Variants in RORA observed in about 807,000 individuals in gnomAD.
RORA encodes the protein nuclear receptor ROR-alpha.
Under a neutral mutation model 69.5 loss-of-function variants are expected in RORA, and 7 were observed. The ratio of observed to expected loss-of-function variants is 0.10; its 90% CI spans 0.06 to 0.19. The LOEUF (loss-of-function observed/expected upper bound fraction) is 0.19. Ranked by LOEUF, RORA falls within the 10% of genes least tolerant of loss-of-function variation. RORA has a pLI of 1.00. For missense variants in RORA, 457 were observed against 663.0 expected, an observed-to-expected ratio of 0.69 and a Z score of 3.41; for synonymous variants, 261 against 240.8, an observed-to-expected ratio of 1.08 and a Z score of -0.78.
Position 60,658,269 on chromosome 15 carries a change from G to T in RORA, c.196+20388C>A, listed in dbSNP as rs571286022. 7.2e-5 allele frequency among the ~76,000 whole-genome samples: 11 copies of T among 152,078 alleles called. 1 individual carries two copies. In the South Asian group the frequency reaches 2.1e-3, roughly 29 times the overall value. On this transcript the variant is annotated intron_variant, in intron 2 of 10. Coordinates refer to ENST00000335670, the MANE Select transcript of RORA (RefSeq NM_134261.3). ...CTAGTTTCATCATGTTGGCCAGGCT[G>T]GTCTCAAACTCCTGACCTCAAGTGA...
intron 1 of RORA, among the ~76,000 whole-genome samples, chr15:61,150,725 C>A (rs1045250014): frequency 5.3e-5 from 8 of 152,100 alleles, no homozygotes; most frequent in Non-Finnish European, 1.2e-4. Flanking sequence ...GATTAATACT[C>A]CTCATCAAAA....
At position 60,789,845 on chromosome 15, in the gene RORA, G is replaced by T. The variant is rs2072390364; in HGVS notation, c.167-111159C>A. ...GAGTGCAATTCCTTGCTTGTAACAA[G>T]CATTCAATAAATATAGGCAGCATGA... On this transcript the variant is annotated intron_variant, in intron 1 of 10. Coordinates refer to ENST00000335670, the MANE Select transcript of RORA (RefSeq NM_134261.3). Among the ~76,000 whole-genome samples the T allele has an allele frequency of 2.6e-5, 4 of 152,276 alleles. No individual in the cohort carries two copies. In the South Asian group the frequency reaches 8.3e-4, roughly 32 times the overall value.
At chr15:60,939,558 T>C (rs1045392902) in intron 1 of RORA, among the ~76,000 whole-genome samples, 2 of 152,136 alleles carry the variant, frequency 1.3e-5, no homozygotes, top group East Asian at 3.9e-4. Flanking sequence ...AGCAATAATA[T>C]ATTATGCCTT....
At chr15:61,085,624 C>G (rs1224425217) in intron 1 of RORA, among the ~76,000 whole-genome samples, 7 of 152,190 alleles carry the variant, frequency 4.6e-5, no homozygotes, top group Non-Finnish European at 7.3e-5. Flanking sequence ...ACCACTGATC[C>G]ATGGCCCCTT....
intron 1 of RORA, among the ~76,000 whole-genome samples, chr15:61,110,439 C>T (rs2078994824): frequency 6.6e-6 from 1 of 151,330 alleles, no homozygotes; most frequent in Non-Finnish European, 1.5e-5. Context: ...GCATATAATA[C>T]ATGGTAATGA....
At chr15:60,762,875 C>T (rs2140873748) in intron 1 of RORA, among the ~76,000 whole-genome samples, 1 of 152,226 alleles carries the variant, frequency 6.6e-6, no homozygotes, top group African/African-American at 2.4e-5. Flanking sequence ...AGAACTTCCG[C>T]TACCTGATTC....
chr15:60,946,957 G>T (rs1480733012), intron 1 of RORA, among the ~76,000 whole-genome samples: 2 of 151,314 alleles, frequency 1.3e-5, no homozygotes, highest in African/African-American at 4.9e-5. Flanking sequence ...CTGCCCCGCC[G>T]CCCTCTCTGA....
chr15:61,208,683 T>C (rs2079963662), intron 1 of RORA, among the ~76,000 whole-genome samples: 1 of 152,126 alleles, frequency 6.6e-6, no homozygotes, highest in African/African-American at 2.4e-5. Flanking sequence ...TGCCTCTCTG[T>C]ACTAAGGAGA....
intron 1 of RORA, among the ~76,000 whole-genome samples, chr15:60,892,211 T>C (rs554425257): frequency 6.6e-6 from 1 of 152,302 alleles, no homozygotes; most frequent in East Asian, 1.9e-4. Context: ...ATGGGAAATG[T>C]CTTGCCCAGT....
chr15:61,053,623 G>C (rs772598809), intron 1 of RORA, among the ~76,000 whole-genome samples: 11 of 151,906 alleles, frequency 7.2e-5, no homozygotes, highest in Non-Finnish European at 1.5e-4. Flanking sequence ...GCAAAGACCA[G>C]GAGAAAGAGG....
intron 1 of RORA, among the ~76,000 whole-genome samples, chr15:60,778,897 G>A (rs1216344298): frequency 6.6e-6 from 1 of 152,142 alleles, no homozygotes; most frequent in African/African-American, 2.4e-5. Flanking sequence ...GGGACGGACT[G>A]TGAGGTTTCC....
intron 1 of RORA, among the ~76,000 whole-genome samples, chr15:60,910,880 T>C (rs1000976050): frequency 1.3e-5 from 2 of 149,920 alleles, no homozygotes; most frequent in African/African-American, 4.9e-5. Context: ...TGGCTGTTTT[T>C]TTTTTGTTGT....
At chr15:61,008,201 CTCTGTGTGTGTGTGTG>C (rs1208988535) in intron 1 of RORA, among the ~76,000 whole-genome samples, 1 of 106,594 alleles carries the variant, frequency 9.4e-6, no homozygotes, top group East Asian at 2.2e-4. Context: ...TTCTCTCTCT[CTCTGTGTGTGTGTGTG>C]TGTGTGTGTG....
chr15:61,205,342 G>A (rs781013003), intron 1 of RORA, among the ~76,000 whole-genome samples: 4 of 152,256 alleles, frequency 2.6e-5, no homozygotes, highest in African/African-American at 9.6e-5. Flanking sequence ...TCCACCTTGC[G>A]TTCAAGGGTC....
intron 2 of RORA, among the ~76,000 whole-genome samples, chr15:60,658,323 G>A (rs1034546331): frequency 6.6e-6 from 1 of 152,130 alleles, no homozygotes; most frequent in Non-Finnish European, 1.5e-5. Context: ...TGAAAGTGCT[G>A]GGATTACAGG....
Position 60,883,329 on chromosome 15 carries a change from C to T in RORA, c.167-204643G>A, listed in dbSNP as rs59223535. 3.4e-3 allele frequency among the ~76,000 whole-genome samples: 521 copies of T among 152,116 alleles called. 1 individual carries two copies. Among genetic ancestry groups the T allele is most frequent in the African/African-American group, 0.012 (495 of 41,480 alleles). ...AGGGACTCTTTTGGAAAACTGACAA[C>T]ATGGATTCAGAGTATTAAATATCTA... is the stretch of plus-strand genomic sequence containing the variant. On this transcript the variant is annotated intron_variant, in intron 1 of 10. Transcript: ENST00000335670.
At chr15:61,193,410 T>C (rs1417925323) in intron 1 of RORA, among the ~76,000 whole-genome samples, 2 of 152,150 alleles carry the variant, frequency 1.3e-5, no homozygotes, top group Admixed American at 6.5e-5. Context: ...TGAGTATTTT[T>C]TTAAGGATTC....
intron 1 of RORA, among the ~76,000 whole-genome samples, chr15:60,836,268 T>C (rs2073113978): frequency 6.6e-6 from 1 of 152,196 alleles, no homozygotes; most frequent in Non-Finnish European, 1.5e-5. Flanking sequence ...GCTGGCCACA[T>C]TGCTTTATGT....
chr15:60,642,832 C>T (rs951461098), intron 2 of RORA, among the ~76,000 whole-genome samples: 6 of 152,148 alleles, frequency 3.9e-5, no homozygotes, highest in East Asian at 1.9e-4. Context: ...GCTATGATCA[C>T]GCCATTGCAC....
Sources: gnomAD v4.1 joint callset for allele counts (sites outside exome capture counted in the v4.1 genomes callset) on GRCh38, gnomAD v4.1.1 for gene constraint, MANE v1.5 for transcripts, NCBI Gene and HGNC (gene_info 2026-07-23, HGNC 2026-07-21) for gene names.